The following NSD1 variants were observed in gnomAD, a reference collection of about 807,000 sequenced individuals.
NSD1 encodes nuclear receptor binding SET domain protein 1.
A neutral mutation model predicts 242.7 loss-of-function variants in NSD1; 26 were observed. The ratio of observed to expected loss-of-function variants is 0.11; its 90% CI spans 0.08 to 0.15. NSD1 has a LOEUF of 0.15. NSD1 is among the 10% of genes least tolerant of loss of function. The pLI is 1.00. For synonymous variants in NSD1, 1,106 were observed against 1,178.1 expected (o/e 0.94, Z 1.25); for missense variants, 2,495 against 3,272.8 (o/e 0.76, Z 5.80).
Position 177,204,157 on chromosome 5 carries a change from G to A in NSD1, c.1101G>A (p.Glu367=). 1.2e-6 allele frequency: 2 copies of A among 1,614,088 alleles called. No individual in the cohort carries two copies. Among genetic ancestry groups the A allele is most frequent in the Non-Finnish European group, 1.7e-6 (2 of 1,180,002 alleles). Residue 367 remains glutamate (E), a synonymous_variant, in exon 4 of 23, where the codon GAG becomes GAA. Coordinates refer to ENST00000439151, the MANE Select transcript of NSD1 (RefSeq NM_022455.5). The part of the protein sequence containing the change: ...NRRPYRQYYV[E]AFGDPSERAW... ...GGCCCTATCGGCAGTACTACGTGGA[G>A]GCTTTTGGAGATCCTTCTGAGAGAG... is the stretch of plus-strand genomic sequence containing the variant.
At chr5:177,277,140 T>C (rs985478545) in intron 17 of NSD1, among the ~76,000 whole-genome samples, 1 of 152,106 alleles carries the variant, frequency 6.6e-6, no homozygotes, top group African/African-American at 2.4e-5. Flanking sequence ...TTTTTTTTTT[T>C]TTTTTAATAA....
At chr5:177,185,965 A>G (rs1216248328) in intron 2 of NSD1, among the ~76,000 whole-genome samples, 2 of 93,210 alleles carry the variant, frequency 2.1e-5, no homozygotes, top group South Asian at 2.9e-4. Flanking sequence ...ATATTTATAT[A>G]TAACTATATT....
At chr5:177,176,962 CT>C (rs1365818468) in intron 2 of NSD1, among the ~76,000 whole-genome samples, 1 of 152,120 alleles carries the variant, frequency 6.6e-6, no homozygotes, top group Non-Finnish European at 1.5e-5. Context: ...ACAATACCCC[CT>C]ACTAGAATTA....
intron 5 of NSD1, among the ~76,000 whole-genome samples, chr5:177,212,607 G>T (rs1333478926): frequency 6.6e-6 from 1 of 151,272 alleles, no homozygotes; most frequent in African/African-American, 2.4e-5. Flanking sequence ...AAAGTGCTGG[G>T]ATTACTCTTG....
chr5:177,207,777 C>T (rs1437249566), intron 4 of NSD1, among the ~76,000 whole-genome samples: 4 of 151,644 alleles, frequency 2.6e-5, no homozygotes, highest in Non-Finnish European at 4.4e-5. Context: ...GGATCGTGCT[C>T]TGTCATCCAG....
In NSD1 at chr5:177,211,393, A is replaced by G; in HGVS notation, c.2994A>G (p.Leu998=). Residue 998 remains leucine (L), a synonymous_variant, in exon 5 of 23, where the codon TTA becomes TTG. Coordinates refer to ENST00000439151, the MANE Select transcript of NSD1 (RefSeq NM_022455.5). ...AGTTGTCTGCTTCCCTACCTGGCTT[A>G]CTGTCCGACAAGAGAGACCTCCCTG... The part of the protein sequence containing the change: ...SGELSASLPG[L]LSDKRDLPAS... 6.2e-7 allele frequency: 1 copy of G among 1,614,142 alleles called. No homozygotes were observed. Among genetic ancestry groups the G allele is most frequent in the Non-Finnish European group, 8.5e-7 (1 of 1,180,030 alleles).
At chr5:177,195,986 C>G (rs899973628) in intron 3 of NSD1, among the ~76,000 whole-genome samples, 1 of 152,022 alleles carries the variant, frequency 6.6e-6, no homozygotes, top group African/African-American at 2.4e-5. Context: ...AGAAGTCTGT[C>G]CAAGGAACAA....
At chr5:177,267,023 C>T (rs1757544526) in intron 14 of NSD1, among the ~76,000 whole-genome samples, 1 of 152,140 alleles carries the variant, frequency 6.6e-6, no homozygotes, top group Admixed American at 6.5e-5. Flanking sequence ...TGCCACCACG[C>T]GTGGCTAATT....
intron 5 of NSD1, among the ~76,000 whole-genome samples, chr5:177,225,218 C>T (rs1362521064): frequency 6.6e-6 from 1 of 151,880 alleles, no homozygotes; most frequent in African/African-American, 2.4e-5. Context: ...TCTCGGCTCA[C>T]TGCATCCTCT....
intron 12 of NSD1, among the ~76,000 whole-genome samples, chr5:177,255,150 T>C (rs144055603): frequency 0.049 from 7,406 of 152,062 alleles, 197 homozygotes; most frequent in South Asian, 0.082. Context: ...ACTGAAAATA[T>C]AAAAATTAGC....
At chr5:177,162,126 C>T (rs941638218) in intron 2 of NSD1, among the ~76,000 whole-genome samples, 3 of 151,832 alleles carry the variant, frequency 2.0e-5, no homozygotes, top group Non-Finnish European at 4.4e-5. Context: ...GGGGAAACCT[C>T]ATCTCTACTA....
chr5:177,138,265 T>C (rs1562102788), intron 2 of NSD1, among the ~76,000 whole-genome samples: 2 of 152,272 alleles, frequency 1.3e-5, no homozygotes, highest in East Asian at 3.9e-4. Context: ...ATGTAGTTTA[T>C]TTATTTTTTT....
Position 177,295,934 on chromosome 5 carries a change from G to C in NSD1, c.*475G>C. On this transcript the variant is annotated 3_prime_UTR_variant, in exon 23 of 23. Transcript: ENST00000439151. This position sits in a 1 kb window ranked among gnomAD's most constrained non-coding sequence, Gnocchi z 4.3. ...TTCACGTGTTCTAGGCCGGGTGCTA[G>C]TCACTGATGAGAGATACAGGCCTCA... The C allele has an allele frequency of 3.0e-6, 1 of 334,386 alleles. No homozygotes were observed. The highest frequency in any genetic ancestry group is 5.6e-6 in the Non-Finnish European group (1 of 178,258). 20.7% of individuals were successfully genotyped at this position (334,386 alleles called of 1,614,324 possible).
intron 12 of NSD1, among the ~76,000 whole-genome samples, chr5:177,252,600 T>G (rs930459427): frequency 2.9e-5 from 4 of 139,298 alleles, no homozygotes; most frequent in Non-Finnish European, 6.1e-5. Context: ...TGTCCAGGTT[T>G]GAGTACAGTG....
intron 5 of NSD1, among the ~76,000 whole-genome samples, chr5:177,213,001 G>A (rs1204826489): frequency 1.3e-5 from 2 of 152,046 alleles, no homozygotes; most frequent in African/African-American, 4.8e-5. Context: ...TGAACCACAT[G>A]CGCTTTTGAA....
At chr5:177,195,987 C>A (rs1581265273) in intron 3 of NSD1, among the ~76,000 whole-genome samples, 1 of 152,050 alleles carries the variant, frequency 6.6e-6, no homozygotes, top group Non-Finnish European at 1.5e-5. Flanking sequence ...GAAGTCTGTC[C>A]AAGGAACAAT....
At chr5:177,205,429 G>T (rs914414282) in intron 4 of NSD1, among the ~76,000 whole-genome samples, 2 of 151,838 alleles carry the variant, frequency 1.3e-5, no homozygotes, top group Non-Finnish European at 2.9e-5. Flanking sequence ...CATCAGTATT[G>T]TGGCTTTTTT....
chr5:177,162,974 T>A (rs1253296313), intron 2 of NSD1, among the ~76,000 whole-genome samples: 1 of 152,046 alleles, frequency 6.6e-6, no homozygotes, highest in African/African-American at 2.4e-5. Context: ...CATACCTGGC[T>A]AATTTTTAAA....
At chr5:177,132,806 G>C (rs1016263552), upstream of NSD1, among the ~76,000 whole-genome samples, 1 of 152,086 alleles carries the variant, frequency 6.6e-6, no homozygotes, top group Non-Finnish European at 1.5e-5. The surrounding 1 kb of genome is among the most constrained non-coding windows in gnomAD (Gnocchi z 7.5). Context: ...GGAGAGGGAT[G>C]GGGGGAGGGG....
Sources: gnomAD v4.1 joint callset for allele counts (sites outside exome capture counted in the v4.1 genomes callset) on GRCh38, gnomAD v4.1.1 for gene constraint, Gnocchi (gnomAD v3.1) non-coding constraint, MANE v1.5 for transcripts, NCBI Gene and HGNC (gene_info 2026-07-23, HGNC 2026-07-21) for gene names.